SLC14A2: variants seen among roughly 807,000 people sequenced by gnomAD.
SLC14A2 encodes solute carrier family 14 member 2.
SLC14A2 carries 91 observed loss-of-function variants against 104.6 expected under a neutral mutation model. The observed-to-expected ratio is 0.87, with a 90% CI of 0.73 to 1.04. SLC14A2 has a LOEUF of 1.04. SLC14A2 is among the 50% of genes least tolerant of loss of function. The pLI is 0.00. For missense variants in SLC14A2, 1,189 were observed against 1,156.0 expected (o/e 1.03, Z -0.41); for synonymous variants, 476 against 466.4 (o/e 1.02, Z -0.27).
At chr18:45,327,781 C>A (rs778496628) in intron 1 of SLC14A2, among the ~76,000 whole-genome samples, 1 of 152,102 alleles carries the variant, frequency 6.6e-6, no homozygotes, top group Non-Finnish European at 1.5e-5. Context: ...AGGCCAGGCA[C>A]TTTTATTATG....
At chr18:45,655,600 G>A (rs892718269) in intron 10 of SLC14A2, among the ~76,000 whole-genome samples, 11 of 151,410 alleles carry the variant, frequency 7.3e-5, no homozygotes, top group Admixed American at 1.3e-4. Flanking sequence ...AATTAGCTAC[G>A]TCTGCCATAG....
chr18:45,189,578 C>T, the SLC14A2 span, among the ~76,000 whole-genome samples: 1 of 152,196 alleles, frequency 6.6e-6, no homozygotes, highest in Non-Finnish European at 1.5e-5. Context: ...ACTTGGACTT[C>T]AGTTGTCTCA....
chr18:45,670,624 G>C (rs1403576197), intron 16 of SLC14A2, among the ~76,000 whole-genome samples: 2 of 152,136 alleles, frequency 1.3e-5, no homozygotes, highest in African/African-American at 4.8e-5. Flanking sequence ...ACACTGAGAA[G>C]CACCAGTATT....
At chr18:45,463,692 G>T (rs577095136) in intron 1 of SLC14A2, among the ~76,000 whole-genome samples, 13 of 152,182 alleles carry the variant, frequency 8.5e-5, no homozygotes, top group Admixed American at 2.0e-4. Context: ...GTGCACAGAG[G>T]TGAATCCCTA....
At chr18:45,302,767 T>C (rs2084980811) in intron 1 of SLC14A2, among the ~76,000 whole-genome samples, 3 of 152,212 alleles carry the variant, frequency 2.0e-5, no homozygotes. Context: ...CATCTTTACT[T>C]ATAAAATACA....
intron 1 of SLC14A2, among the ~76,000 whole-genome samples, chr18:45,456,140 C>T (rs958077124): frequency 6.6e-5 from 10 of 152,110 alleles, no homozygotes; most frequent in African/African-American, 2.4e-4. Context: ...GGTAGTACCT[C>T]CCTCCCAGCT....
chr18:45,298,668 GTA>G (rs1371092463), intron 1 of SLC14A2, among the ~76,000 whole-genome samples: 1 of 152,160 alleles, frequency 6.6e-6, no homozygotes, highest in Non-Finnish European at 1.5e-5. Flanking sequence ...ACGTTTGATT[GTA>G]TATTAATATC....
chr18:45,617,469 C>T (rs1430619582), intron 1 of SLC14A2, among the ~76,000 whole-genome samples: 1 of 152,048 alleles, frequency 6.6e-6, no homozygotes, highest in African/African-American at 2.4e-5. Context: ...GAGTCAGTCT[C>T]CTCTCAGCCC....
rs1002224467 is a variant in SLC14A2 at position 45,462,360 on chromosome 18, C to T, written c.-124-20873C>T. 5.3e-5 allele frequency among the ~76,000 whole-genome samples: 8 copies of T among 152,172 alleles called. No homozygotes were observed. In the East Asian group the frequency reaches 7.7e-4, roughly 15 times the overall value. ...AGCCCTGGTTTCCATGGAGAGTCCA[C>T]GGGCCAGAGACTTGCATTCCGAGCA... On this transcript the variant is annotated intron_variant, in intron 1 of 20. Transcript: ENST00000586448.
At chr18:45,250,280 T>C (rs2084407732) in intron 1 of SLC14A2, among the ~76,000 whole-genome samples, 1 of 152,232 alleles carries the variant, frequency 6.6e-6, no homozygotes, top group African/African-American at 2.4e-5. Flanking sequence ...CTTTAGATCA[T>C]GAGTACCATT....
intron 6 of SLC14A2, 21 bp from the exon 7 acceptor site, chr18:45,639,725 T>C: frequency 1.2e-6 from 2 of 1,612,510 alleles, no homozygotes; most frequent in African/African-American, 1.3e-5. Context: ...TCCAGTGACC[T>C]GTATTCTGTT....
At chr18:45,411,285 T>G (rs2086212737) in intron 1 of SLC14A2, among the ~76,000 whole-genome samples, 1 of 152,232 alleles carries the variant, frequency 6.6e-6, no homozygotes, top group Admixed American at 6.5e-5. Context: ...GTATTTAGCC[T>G]GGTAATCTCA....
intron 1 of SLC14A2, among the ~76,000 whole-genome samples, chr18:45,406,087 T>C (rs752668672): frequency 1.3e-5 from 2 of 152,166 alleles, no homozygotes; most frequent in Non-Finnish European, 2.9e-5. Flanking sequence ...AGAATTTTTC[T>C]ACAGTATGTG....
At chr18:45,418,098 G>A (rs2086298022) in intron 1 of SLC14A2, among the ~76,000 whole-genome samples, 1 of 152,162 alleles carries the variant, frequency 6.6e-6, no homozygotes, top group South Asian at 2.1e-4. Flanking sequence ...TGAAATAAAT[G>A]TATATATGAG....
chr18:45,491,858 C>A (rs1450493652), intron 2 of SLC14A2, among the ~76,000 whole-genome samples: 2 of 152,222 alleles, frequency 1.3e-5, no homozygotes, highest in Non-Finnish European at 2.9e-5. Context: ...CCAAGGACCA[C>A]TGGGGTCCCA....
Position 45,625,678 on chromosome 18 carries a change from A to G in SLC14A2, c.151-5A>G. ...ATTTGATGTCTGGTTGGTTTCTCCT[A>G]AAAGGATCTCCGGTCTTCCAATGAA... On this transcript the variant is annotated splice_polypyrimidine_tract_variant and splice_region_variant and intron_variant, in intron 2 of 19. Transcript: ENST00000255226. 1.9e-6 allele frequency: 3 copies of G among 1,539,878 alleles called. No homozygotes were observed. Among genetic ancestry groups the G allele is most frequent in the Non-Finnish European group, 2.6e-6 (3 of 1,148,796 alleles).
intron 1 of SLC14A2, among the ~76,000 whole-genome samples, chr18:45,323,872 G>A (rs2144244785): frequency 6.6e-6 from 1 of 152,186 alleles, no homozygotes; most frequent in East Asian, 1.9e-4. Flanking sequence ...CAGACATTGA[G>A]AAGTTGCAGG....
chr18:45,518,616 G>C (rs1261091672), intron 2 of SLC14A2, among the ~76,000 whole-genome samples: 1 of 152,246 alleles, frequency 6.6e-6, no homozygotes, highest in Non-Finnish European at 1.5e-5. Flanking sequence ...CGCTGGAAAA[G>C]CTTTACAGAG....
intron 2 of SLC14A2, among the ~76,000 whole-genome samples, chr18:45,491,676 C>T (rs1345229720): frequency 1.3e-5 from 2 of 152,164 alleles, no homozygotes; most frequent in African/African-American, 4.8e-5. Context: ...TCACCTTCCT[C>T]TGGTGGAAAT....
Sources: allele counts gnomAD v4.1 joint callset (sites outside exome capture counted in the v4.1 genomes callset), GRCh38; gene constraint gnomAD v4.1.1; transcripts MANE v1.5; gene names NCBI Gene and HGNC (gene_info 2026-07-23, HGNC 2026-07-21).